The following MPP7 variants were observed in gnomAD, a reference collection of about 807,000 sequenced individuals.
MPP7 encodes MAGUK p55 scaffold protein 7, also known as MAGUK p55 subfamily member 7.
MPP7 carries 60 observed loss-of-function variants against 76.5 expected under a neutral mutation model. The observed-to-expected ratio is 0.78, with a 90% CI of 0.64 to 0.97. MPP7 has a LOEUF of 0.97. Ranked by LOEUF, MPP7 falls within the 50% of genes least tolerant of loss-of-function variation. The pLI is 0.00. For synonymous variants in MPP7, 237 were observed against 244.5 expected (o/e 0.97, Z 0.29); for missense variants, 641 against 694.0 (o/e 0.92, Z 0.86).
At chr10:28,167,127 A>G (rs1051075012) in intron 3 of MPP7, among the ~76,000 whole-genome samples, 3 of 152,090 alleles carry the variant, frequency 2.0e-5, no homozygotes, top group African/African-American at 4.8e-5. Flanking sequence ...CCTGGCCAAC[A>G]TGGCAAAACC....
intron 1 of MPP7, among the ~76,000 whole-genome samples, chr10:28,263,208 T>C (rs1393671715): frequency 6.6e-6 from 1 of 152,234 alleles, no homozygotes; most frequent in African/African-American, 2.4e-5. Context: ...GGTGGTAGTG[T>C]ATTCAAATTG....
At chr10:28,322,466 C>G (rs182206848) in intron 2 of MPP7, among the ~76,000 whole-genome samples, 16 of 152,220 alleles carry the variant, frequency 1.1e-4, no homozygotes, top group East Asian at 9.6e-4. Context: ...ACCCTCTCTC[C>G]CCATCTGAAA....
At chr10:28,294,046 G>A (rs1347587085) in intron 1 of MPP7, among the ~76,000 whole-genome samples, 1 of 152,162 alleles carries the variant, frequency 6.6e-6, no homozygotes, top group Non-Finnish European at 1.5e-5. Context: ...GGTGGCTCAC[G>A]CCTGTAATAC....
intron 5 of MPP7, among the ~76,000 whole-genome samples, chr10:28,134,767 G>C (rs1190459381): frequency 6.6e-6 from 1 of 152,036 alleles, no homozygotes; most frequent in African/African-American, 2.4e-5. Flanking sequence ...AAGGCAAAGA[G>C]AAGATCCTAA....
At chr10:28,282,807 T>G (rs1018413252) in intron 1 of MPP7, among the ~76,000 whole-genome samples, 2 of 151,948 alleles carry the variant, frequency 1.3e-5, no homozygotes, top group African/African-American at 4.8e-5. Context: ...TCTGTGTCGG[T>G]GACCTCCTCC....
chr10:28,161,187 C>T (rs1348335786), intron 3 of MPP7, among the ~76,000 whole-genome samples: 1 of 152,126 alleles, frequency 6.6e-6, no homozygotes, highest in African/African-American at 2.4e-5. Flanking sequence ...TTTTCATTTA[C>T]TTTCATGCAC....
chr10:28,102,268 G>T (rs1265375960), intron 11 of MPP7, among the ~76,000 whole-genome samples: 4 of 152,044 alleles, frequency 2.6e-5, no homozygotes, highest in African/African-American at 2.4e-5. Flanking sequence ...TCAGCCTCCG[G>T]AGTAGTTGGG....
In MPP7 at chr10:28,172,855, G is replaced by C. The variant is rs562003004; in HGVS notation, c.157-22796C>G. Among the ~76,000 whole-genome samples the C allele has an allele frequency of 2.0e-5, 3 of 152,168 alleles. No individual in the cohort carries two copies. In the South Asian group the frequency reaches 6.2e-4, roughly 32 times the overall value. On this transcript the variant is annotated intron_variant, in intron 3 of 16. Coordinates refer to ENST00000683449, the MANE Select transcript of MPP7 (RefSeq NM_001318170.2). ...TATTTATTGAAATGGTTATTTTGTT[G>C]AATGAGTGAAAGAATATGATATTTT...
chr10:28,077,571 T>C (rs539296409), intron 12 of MPP7, among the ~76,000 whole-genome samples: 20 of 152,330 alleles, frequency 1.3e-4, no homozygotes, highest in African/African-American at 4.8e-4. Flanking sequence ...TAGGCCTAAG[T>C]TCACAACATT....
intron 8 of MPP7, among the ~76,000 whole-genome samples, chr10:28,122,532 ACCTATT>A (rs1834875084): frequency 1.3e-5 from 2 of 152,130 alleles, no homozygotes; most frequent in African/African-American, 2.4e-5. Context: ...ATATAAATAT[ACCTATT>A]TTCCTATACC....
intron 13 of MPP7, 76 bp from the exon 14 acceptor site, chr10:28,059,819 GGTATTT>G: frequency 1.0e-6 from 1 of 957,914 alleles, no homozygotes; most frequent in Non-Finnish European, 1.6e-6. Context: ...AGAAATCAAG[GGTATTT>G]AATTAGTTTT....
At chr10:28,162,714 G>A (rs1284319496) in intron 3 of MPP7, among the ~76,000 whole-genome samples, 2 of 152,088 alleles carry the variant, frequency 1.3e-5, no homozygotes, top group Admixed American at 6.6e-5. Context: ...TCCTTGTTGG[G>A]GGGTTGAACC....
chr10:28,173,300 A>G (rs1836748355), intron 3 of MPP7, among the ~76,000 whole-genome samples: 1 of 152,124 alleles, frequency 6.6e-6, no homozygotes, highest in Non-Finnish European at 1.5e-5. Flanking sequence ...ATCTACCATT[A>G]CTACGGATTA....
intron 11 of MPP7, among the ~76,000 whole-genome samples, chr10:28,094,768 A>C (rs1002185188): frequency 6.6e-6 from 1 of 152,192 alleles, no homozygotes; most frequent in Non-Finnish European, 1.5e-5. Flanking sequence ...TGCCTAAAGT[A>C]CCTTATTAAG....
chr10:28,119,315 A>T (rs1488594100), intron 11 of MPP7, among the ~76,000 whole-genome samples: 1 of 152,096 alleles, frequency 6.6e-6, no homozygotes, highest in Non-Finnish European at 1.5e-5. Flanking sequence ...GAAATACCTA[A>T]CCCAAACTTC....
chr10:28,116,483 T>C (rs1169899223), intron 11 of MPP7, among the ~76,000 whole-genome samples: 3 of 152,260 alleles, frequency 2.0e-5, no homozygotes, highest in Admixed American at 6.5e-5. Flanking sequence ...CTACATCTTG[T>C]ATATAATAAT....
intron 3 of MPP7, among the ~76,000 whole-genome samples, chr10:28,183,766 G>T (rs1447936038): frequency 6.6e-6 from 1 of 152,072 alleles, no homozygotes; most frequent in Non-Finnish European, 1.5e-5. Flanking sequence ...CTCCAGGCTG[G>T]ATAACAGAGC....
intron 2 of MPP7, among the ~76,000 whole-genome samples, chr10:28,311,663 G>A (rs1029362968): frequency 6.6e-6 from 1 of 152,014 alleles, no homozygotes; most frequent in Non-Finnish European, 1.5e-5. Context: ...TAGGAGGATT[G>A]CTTGAACCCA....
intron 3 of MPP7, among the ~76,000 whole-genome samples, chr10:28,167,918 T>C (rs1454757043): frequency 6.6e-6 from 1 of 152,192 alleles, no homozygotes; most frequent in Non-Finnish European, 1.5e-5. Flanking sequence ...TGGCACTAAT[T>C]TGCAACTCAT....
Sources: allele counts gnomAD v4.1 joint callset (sites outside exome capture counted in the v4.1 genomes callset), GRCh38; gene constraint gnomAD v4.1.1; transcripts MANE v1.5; gene names NCBI Gene and HGNC (gene_info 2026-07-23, HGNC 2026-07-21).